RBPJ: variants seen among roughly 807,000 people sequenced by gnomAD.
RBPJ encodes the protein recombining binding protein suppressor of hairless.
RBPJ carries 9 observed loss-of-function variants against 67.8 expected under a neutral mutation model. That is an observed-to-expected ratio of 0.13 (90% confidence interval 0.08 to 0.23). The LOEUF (loss-of-function observed/expected upper bound fraction) is 0.23, where lower values mean the gene tolerates loss of function less well. Among genes scored for constraint, RBPJ ranks in the 10% least tolerant of loss-of-function variants. The probability of loss-of-function intolerance (pLI) is 1.00; values close to 1 mark genes in which losing one functional copy is unlikely to be tolerated. For missense variants in RBPJ, 305 were observed against 595.6 expected, an observed-to-expected ratio of 0.51 and a Z score of 5.08; for synonymous variants, 198 against 203.3, an observed-to-expected ratio of 0.97 and a Z score of 0.22.
intron 1 of RBPJ, among the ~76,000 whole-genome samples, chr4:26,205,784 G>C (rs950962347): frequency 6.6e-6 from 1 of 151,790 alleles, no homozygotes; most frequent in Non-Finnish European, 1.5e-5. Context: ...GTAGAGACAG[G>C]GTTTCACCAT....
chr4:26,250,328 CTTTT>C (rs869105820), intron 1 of RBPJ, among the ~76,000 whole-genome samples: 7 of 120,684 alleles, frequency 5.8e-5, no homozygotes, highest in Admixed American at 5.4e-4. Context: ...GACTCCATTC[CTTTT>C]TTTTTTTTTT....
At chr4:26,208,182 A>C (rs1718237329) in intron 1 of RBPJ, among the ~76,000 whole-genome samples, 1 of 152,246 alleles carries the variant, frequency 6.6e-6, no homozygotes, top group Admixed American at 6.5e-5. Context: ...TATATGAAGT[A>C]ATCCATTTCA....
At chr4:26,249,888 C>T (rs551148744) in intron 1 of RBPJ, among the ~76,000 whole-genome samples, 11 of 149,750 alleles carry the variant, frequency 7.3e-5, no homozygotes, top group African/African-American at 2.5e-4. Context: ...CAGGTTCAAG[C>T]GATTCTCCTG....
intron 1 of RBPJ, among the ~76,000 whole-genome samples, chr4:26,358,069 G>A (rs1412512762): frequency 2.0e-5 from 3 of 149,320 alleles, no homozygotes; most frequent in Admixed American, 6.8e-5. Flanking sequence ...TGATCAGAGA[G>A]TGAATTGCCT....
intron 1 of RBPJ, among the ~76,000 whole-genome samples, chr4:26,178,188 A>T (rs934509025): frequency 2.0e-5 from 3 of 152,160 alleles, no homozygotes; most frequent in African/African-American, 7.2e-5. Context: ...TGACCCAAAG[A>T]TATATCTTAG....
At chr4:26,239,808 T>A in intron 1 of RBPJ, among the ~76,000 whole-genome samples, 1 of 152,118 alleles carries the variant, frequency 6.6e-6, no homozygotes, top group Non-Finnish European at 1.5e-5. Context: ...AATGGCAAAG[T>A]CCCCTTGTTT....
chr4:26,163,927 C>T (rs922639828), intron 1 of RBPJ, among the ~76,000 whole-genome samples: 2 of 152,258 alleles, frequency 1.3e-5, no homozygotes, highest in African/African-American at 4.8e-5. Context: ...CTTCTTAGGA[C>T]CTTTCATGTC....
chr4:26,344,425 C>T (rs971461476), intron 1 of RBPJ, among the ~76,000 whole-genome samples: 8 of 150,190 alleles, frequency 5.3e-5, no homozygotes, highest in Non-Finnish European at 8.9e-5. Flanking sequence ...TTAGTAGAGA[C>T]GGGGTTTCAC....
chr4:26,365,985 T>C (rs912992580), intron 1 of RBPJ, among the ~76,000 whole-genome samples: 3 of 152,248 alleles, frequency 2.0e-5, no homozygotes, highest in Admixed American at 2.0e-4. Flanking sequence ...CTGCCAGTGG[T>C]AGCACACTCT....
the RBPJ span, among the ~76,000 whole-genome samples, chr4:26,109,424 C>CT: frequency 8.0e-3 from 123 of 15,286 alleles, 32 homozygotes; most frequent in Middle Eastern, 0.036. Context: ...CTCTCTCTCT[C>CT]CCTCTCTCTC....
In RBPJ at chr4:26,424,817, C is replaced by T. The variant is rs947893022; in HGVS notation, c.747+74C>T. 2 of 872,176 alleles carry T rather than the reference C, an allele frequency of 2.3e-6. No homozygotes were observed. Among genetic ancestry groups the T allele is most frequent in the Non-Finnish European group, 3.7e-6 (2 of 537,462 alleles). 54.0% of individuals were successfully genotyped at this position (872,176 alleles called of 1,614,324 possible). ...TCTTAAACAGGAAAATCACAACATT[C>T]AAATGGAAAAACACACCTCAGTTTT... On this transcript the variant is annotated intron_variant, in intron 7 of 10. Coordinates refer to ENST00000355476, the MANE Select transcript of RBPJ (RefSeq NM_015874.6). The surrounding 1 kb of genome is among the most constrained non-coding windows in gnomAD (Gnocchi z 5.3).
At chr4:26,134,695 T>C in the RBPJ span, among the ~76,000 whole-genome samples, 1 of 152,162 alleles carries the variant, frequency 6.6e-6, no homozygotes, top group African/African-American at 2.4e-5. Context: ...AAATGGAAGC[T>C]ACCCTTTGAG....
chr4:26,129,043 A>ACT, the RBPJ span, among the ~76,000 whole-genome samples: 26 of 152,364 alleles, frequency 1.7e-4, no homozygotes, highest in Non-Finnish European at 3.2e-4. Context: ...AGATGAAAGT[A>ACT]GACTAATACA....
At chr4:26,335,365 A>G (rs1162401257) in intron 1 of RBPJ, among the ~76,000 whole-genome samples, 1 of 151,646 alleles carries the variant, frequency 6.6e-6, no homozygotes, top group Non-Finnish European at 1.5e-5. Flanking sequence ...GTATTTTAGT[A>G]GAGACAGGGT....
chr4:26,166,927 C>T (rs1187887127), intron 1 of RBPJ, among the ~76,000 whole-genome samples: 2 of 152,196 alleles, frequency 1.3e-5, no homozygotes, highest in African/African-American at 4.8e-5. Context: ...TTTCAGCTTT[C>T]TACATATGGG....
upstream of RBPJ, among the ~76,000 whole-genome samples, chr4:26,162,913 A>T (rs982124707): frequency 1.3e-5 from 2 of 151,800 alleles, no homozygotes; most frequent in Admixed American, 6.6e-5. Context: ...GATGGTTGTC[A>T]CCAGGGCTTA....
At chr4:26,114,478 C>CATATATATATATAT in the RBPJ span, among the ~76,000 whole-genome samples, 78 of 123,180 alleles carry the variant, frequency 6.3e-4, 2 homozygotes, top group African/African-American at 1.6e-3. Context: ...AAAGAATGTA[C>CATATATATATATAT]ATATATATAT....
the RBPJ span, among the ~76,000 whole-genome samples, chr4:26,138,054 C>T: frequency 1.5e-5 from 2 of 137,482 alleles, no homozygotes; most frequent in Non-Finnish European, 3.4e-5. Flanking sequence ...GAAGGTCTGG[C>T]ACTGTCATAG....
chr4:26,236,662 C>T (rs917303711), intron 1 of RBPJ, among the ~76,000 whole-genome samples: 4 of 152,138 alleles, frequency 2.6e-5, no homozygotes, highest in African/African-American at 9.7e-5. Flanking sequence ...TATTCCTAAC[C>T]TTGGAAATCT....
Sources: gnomAD v4.1 joint callset for allele counts (sites outside exome capture counted in the v4.1 genomes callset) on GRCh38, gnomAD v4.1.1 for gene constraint, Gnocchi (gnomAD v3.1) non-coding constraint, MANE v1.5 for transcripts, NCBI Gene and HGNC (gene_info 2026-07-23, HGNC 2026-07-21) for gene names.